The following MRPL36 variants were observed in gnomAD, a reference collection of about 807,000 sequenced individuals.
The protein encoded by MRPL36 is mitochondrial ribosomal protein L36.
MRPL36 carries 1 observed loss-of-function variant against 2.8 expected under a neutral mutation model. The ratio of observed to expected loss-of-function variants is 0.36; its 90% CI spans 0.13 to 1.69. MRPL36 has a LOEUF of 1.69. MRPL36 is among the 40% of genes most tolerant of loss of function. The pLI, the probability that MRPL36 is intolerant of heterozygous loss-of-function variation, is 0.35. For missense variants in MRPL36, 148 were observed against 132.7 expected (o/e 1.12, Z -0.57); for synonymous variants, 68 against 54.8 (o/e 1.24, Z -1.06).
rs554382167 is a variant in MRPL36, at chr5:1,799,003, T to C, written c.-12-56A>G. On this transcript the variant is annotated intron_variant, in intron 1 of 1. Coordinates refer to ENST00000505059, the MANE Select transcript of MRPL36 (RefSeq NM_032479.4). ...CTTCTCCTGCACTTCCACCTGCTCT[T>C]TAAGGCTTCCTTTTCTCTGTTTCAC... The C allele has an allele frequency of 2.9e-6, 4 of 1,375,726 alleles. No individual in the cohort carries two copies. In the African/African-American group the frequency reaches 5.8e-5, roughly 20 times the overall value. 85.2% of individuals were successfully genotyped at this position (1,375,726 alleles called of 1,614,324 possible).
At chr5:1,800,408 A>C (rs367825074), upstream of MRPL36, among the ~76,000 whole-genome samples, 1 of 152,260 alleles carries the variant, frequency 6.6e-6, no homozygotes, top group East Asian at 1.9e-4. Flanking sequence ...TGAGTTGCAG[A>C]CGTGGCTGCG....
chr5:1,798,762 G>A lies in MRPL36; in HGVS notation c.174C>T (p.Pro58=), dbSNP rs559763911. 1 of 1,614,038 alleles carries A rather than the reference G, an allele frequency of 6.2e-7. No individual in the cohort carries two copies. Among genetic ancestry groups the A allele is most frequent in the African/African-American group, 1.3e-5 (1 of 75,014 alleles). The change falls in exon 2 of 2, where the codon CCC becomes CCT. Residue 58 remains proline, a synonymous_variant. Coordinates refer to ENST00000505059, the MANE Select transcript of MRPL36 (RefSeq NM_032479.4). The stretch of plus-strand genomic sequence containing the variant: ...TGAACCCCAGCGCAGGCAGCAGATG[G>A]GGCAGGAGGCCGGGTGAGAGAAGTG... ...VRSLLSPGLL[P]HLLPALGFKN...
Position 1,798,680 on chromosome 5 carries a change from C to A in MRPL36, c.256G>T (p.Gly86Cys), listed in dbSNP as rs992860537. 6.2e-6 allele frequency: 10 copies of A among 1,613,718 alleles called. No homozygotes were observed. The highest frequency in any genetic ancestry group is 5.0e-5 in the Admixed American group (3 of 59,992). Residue 86 changes from glycine (G) to cysteine (C), a missense_variant, in exon 2 of 2, where the codon GGT becomes TGT. Coordinates refer to ENST00000505059, the MANE Select transcript of MRPL36 (RefSeq NM_032479.4). ...CKDCYLVKRRGRWYVYCKTHP... is the reference protein window; with the variant it reads ...CKDCYLVKRRCRWYVYCKTHP... ...GTTTTACAGTAGACGTACCACCGACCCCGCCTCTTCACCAGGTAACAGTCC... is the reference window on the plus strand; with the variant it reads ...GTTTTACAGTAGACGTACCACCGACACCGCCTCTTCACCAGGTAACAGTCC...
rs1733976058 is a variant in MRPL36 at position 1,799,792 on chromosome 5, C to CCGGCCACACGCCCTTACT, written c.-14_-13insAGTAAGGGCGTGTGGCCG. 6.6e-6 allele frequency: 1 copy of CCGGCCACACGCCCTTACT among 152,396 alleles called. No homozygotes were observed. The highest frequency in any genetic ancestry group is 6.5e-5 in the Admixed American group (1 of 15,288). 9.4% of individuals were successfully genotyped at this position (152,396 alleles called of 1,614,324 possible). The stretch of plus-strand genomic sequence containing the variant: ...TGACCTGAGAAGACGGCTCCCTTAC[C>CCGGCCACACGCCCTTACT]CGGCCGCACGCTCTCACCCGGCGCC... On this transcript the variant is annotated splice_region_variant and 5_prime_UTR_variant, in exon 1 of 2. Transcript: ENST00000505059.
rs560726356 is a variant in MRPL36 at position 1,798,617 on chromosome 5, A to G, written c.*7T>C. On this transcript the variant is annotated 3_prime_UTR_variant, in exon 2 of 2. Transcript: ENST00000505059. ...CGAGTATGTGCGTGACTCTGGAGGG[A>G]AAGGGTCTACATCTGTCTCTGCTTG... is the stretch of plus-strand genomic sequence containing the variant. 4.3e-5 allele frequency: 68 copies of G among 1,596,722 alleles called. No homozygotes were observed. The South Asian group carries it at 7.1e-4, about 17-fold the overall frequency.
At chr5:1,798,998 G>C (rs1733938285) in intron 1 of MRPL36, 51 bp from the exon 2 acceptor site, 1 of 1,369,678 alleles carries the variant, frequency 7.3e-7, no homozygotes, top group Non-Finnish European at 1.0e-6. Flanking sequence ...ACTTCCACCT[G>C]CTCTTTAAGG....
upstream of MRPL36, chr5:1,801,293 G>C: frequency 9.3e-6 from 13 of 1,396,860 alleles, no homozygotes; most frequent in Non-Finnish European, 1.1e-5. Flanking sequence ...CGCACCCTCT[G>C]CCCCGACCCG....
chr5:1,800,281 C>T (rs1733997601), upstream of MRPL36, among the ~76,000 whole-genome samples: 1 of 152,188 alleles, frequency 6.6e-6, no homozygotes, highest in South Asian at 2.1e-4. Flanking sequence ...AGGGAAAGAA[C>T]TGTACGGTGA....
chr5:1,799,816 C>CACGCTCTCACCCGGCGG lies in MRPL36; in HGVS notation c.-38_-37insCCGCCGGGTGAGAGCGT. ...CCCGGCCGCACGCTCTCACCCGGCG[C>CACGCTCTCACCCGGCGG]CGACCCCTGCGTCTGCGCACTGGCA... On this transcript the variant is annotated 5_prime_UTR_variant, in exon 1 of 2. Transcript: ENST00000505059. 1.7e-5 allele frequency: 1 copy of CACGCTCTCACCCGGCGG among 57,324 alleles called. No homozygotes were observed. The highest frequency in any genetic ancestry group is 5.4e-5 in the Non-Finnish European group (1 of 18,422). 3.6% of individuals were successfully genotyped at this position (57,324 alleles called of 1,614,324 possible).
At chr5:1,799,841 A>C (rs1733979862), upstream of MRPL36, 1 of 136,416 alleles carries the variant, frequency 7.3e-6, no homozygotes, top group Non-Finnish European at 1.6e-5. Context: ...GCGCACTGGC[A>C]CGCGGACGCT....
intron 1 of MRPL36, chr5:1,799,305 G>A (rs546712005): frequency 1.8e-5 from 3 of 167,828 alleles, no homozygotes; most frequent in East Asian, 1.7e-4. Flanking sequence ...TTCAACTGAT[G>A]AGCTCCTCCC....
At chr5:1,799,882 G>A (rs939566392), upstream of MRPL36, 1 of 151,990 alleles carries the variant, frequency 6.6e-6, no homozygotes, top group African/African-American at 2.4e-5. Flanking sequence ...CGGCGGGGGG[G>A]GGGGTCACGT....
rs1733934843 is a variant in MRPL36, at chr5:1,798,906, C to A, written c.30G>T (p.Val10=). The A allele has an allele frequency of 6.3e-7, 1 of 1,595,640 alleles. No homozygotes were observed. The highest frequency in any genetic ancestry group is 8.6e-7 in the Non-Finnish European group (1 of 1,166,222). MANLFIRKM[V]NPLLYLSRHT... ...GACGACTGAGATAGAGCAGAGGGTT[C>A]ACCATTTTCCTTATAAAAAGATTTG... is the stretch of plus-strand genomic sequence containing the variant. The change falls in exon 2 of 2, where the codon GTG becomes GTT. Residue 10 remains valine, a synonymous_variant. Coordinates refer to ENST00000505059, the MANE Select transcript of MRPL36 (RefSeq NM_032479.4).
chr5:1,801,268 A>G, upstream of MRPL36: 1 of 1,196,286 alleles, frequency 8.4e-7, no homozygotes, highest in Non-Finnish European at 1.1e-6. Flanking sequence ...CACCTGAATC[A>G]GAGAGCAGCT....
upstream of MRPL36, among the ~76,000 whole-genome samples, chr5:1,800,620 C>T (rs986244547): frequency 2.6e-5 from 4 of 152,210 alleles, no homozygotes; most frequent in Non-Finnish European, 5.9e-5. Flanking sequence ...TCCTCTTTAT[C>T]ATCTTCCCCG....
intron 1 of MRPL36, 103 bp downstream of exon 1, chr5:1,799,688 CG>C (rs1180665108): frequency 6.6e-6 from 1 of 152,298 alleles, no homozygotes; most frequent in Non-Finnish European, 1.5e-5. Context: ...GCAGCCCACT[CG>C]GGGAGACACG....
chr5:1,798,908 C>A lies in MRPL36; in HGVS notation c.28G>T (p.Val10Leu), dbSNP rs375022074. 1.4e-5 allele frequency: 23 copies of A among 1,595,298 alleles called. No homozygotes were observed. The highest frequency in any genetic ancestry group is 1.7e-4 in the Middle Eastern group (1 of 6,008). The change falls in exon 2 of 2, where the codon GTG becomes TTG. Residue 10 changes from valine to leucine, a missense_variant. Physicochemically the swap from Val to Leu is conservative, Grantham distance 32. Transcript: ENST00000505059. MANLFIRKM[V>L]NPLLYLSRHT... ...CGACTGAGATAGAGCAGAGGGTTCA[C>A]CATTTTCCTTATAAAAAGATTTGCC...
chr5:1,798,449 C>T lies in MRPL36; in HGVS notation c.*175G>A, dbSNP rs1429119933. On this transcript the variant is annotated 3_prime_UTR_variant, in exon 2 of 2. Coordinates refer to ENST00000505059, the MANE Select transcript of MRPL36 (RefSeq NM_032479.4). ...TTGGAACGTTTTGGAAATAAGATAA[C>T]GCAATGTCTTCTATAGTTACTCATT... 3 of 597,170 alleles carry T rather than the reference C, an allele frequency of 5.0e-6. No individual in the cohort carries two copies. The highest frequency in any genetic ancestry group is 2.5e-5 in the South Asian group (1 of 39,922). The allele number at this position is 597,170 out of a possible 1,614,324, so 37.0% of individuals were successfully genotyped here.
chr5:1,801,272 A>G (rs1240182354), upstream of MRPL36: 9 of 1,222,498 alleles, frequency 7.4e-6, no homozygotes, highest in Non-Finnish European at 1.0e-5. Context: ...TGAATCAGAG[A>G]GCAGCTCCGG....
Sources: allele counts gnomAD v4.1 joint callset (sites outside exome capture counted in the v4.1 genomes callset), GRCh38; gene constraint gnomAD v4.1.1; transcripts MANE v1.5; gene names NCBI Gene and HGNC (gene_info 2026-07-23, HGNC 2026-07-21).